The following SP140 variants were observed in gnomAD, a reference collection of about 807,000 sequenced individuals.
The protein encoded by SP140 is SP140 nuclear body protein, also known as nuclear body protein SP140.
A neutral mutation model predicts 125.0 loss-of-function variants in SP140; 81 were observed. The observed-to-expected ratio is 0.65, with a 90% CI of 0.54 to 0.78. The LOEUF (loss-of-function observed/expected upper bound fraction) is 0.78. Ranked by LOEUF, SP140 falls within the 30% of genes least tolerant of loss-of-function variation. The pLI, the probability that SP140 is intolerant of heterozygous loss-of-function variation, is 0.00. For synonymous variants in SP140, 312 were observed against 354.0 expected, an observed-to-expected ratio of 0.88 and a Z score of 1.33; for missense variants, 858 against 1,037.0, an observed-to-expected ratio of 0.83 and a Z score of 2.37.
chr2:230,311,757 C>G (rs1281333723), intron 26 of SP140, among the ~76,000 whole-genome samples, 162 bp downstream of exon 26: 2 of 152,186 alleles, frequency 1.3e-5, no homozygotes, highest in Admixed American at 1.3e-4. Context: ...CTCTTCTTAG[C>G]AAAGAAACAG....
intron 18 of SP140, among the ~76,000 whole-genome samples, chr2:230,288,524 T>TCTTTCTTTC (rs1575230859): frequency 7.9e-5 from 11 of 139,544 alleles, no homozygotes; most frequent in South Asian, 2.3e-4. Context: ...TTTCTTTCTT[T>TCTTTCTTTC]TTTTATTCTT....
chr2:230,212,468 C>A (rs761682153), intron 1 of SP140: 9 of 1,469,336 alleles, frequency 6.1e-6, no homozygotes, highest in Non-Finnish European at 8.6e-6. Flanking sequence ...ATTGCAGGGA[C>A]TGGATGTCAG....
At chr2:230,243,872 C>G in intron 5 of SP140, 61 bp downstream of exon 5, 1 of 1,151,162 alleles carries the variant, frequency 8.7e-7, no homozygotes. Flanking sequence ...GAATTCAGAG[C>G]TGGTGTTTCC....
chr2:230,234,586 C>G (rs1444170988), intron 1 of SP140, among the ~76,000 whole-genome samples: 1 of 152,194 alleles, frequency 6.6e-6, no homozygotes, highest in Non-Finnish European at 1.5e-5. Flanking sequence ...GTAGTTTCCT[C>G]TTACCTCTAG....
At chr2:230,280,349 A>G (rs1005361386) in intron 15 of SP140, among the ~76,000 whole-genome samples, 6 of 152,192 alleles carry the variant, frequency 3.9e-5, no homozygotes, top group Non-Finnish European at 8.8e-5. Flanking sequence ...TTTTTTAAAA[A>G]TATTTTCCAC....
In SP140 at chr2:230,312,891, G is replaced by A. The variant is rs1433899080; in HGVS notation, c.*207G>A. On this transcript the variant is annotated 3_prime_UTR_variant, in exon 27 of 27. Coordinates refer to ENST00000392045, the MANE Select transcript of SP140 (RefSeq NM_007237.5). The stretch of plus-strand genomic sequence containing the variant: ...AACCCCAAGTATCTCATCAGCCAGG[G>A]AAGAGTAAGTGGGATCACAGGGAAG... 4.4e-6 allele frequency: 2 copies of A among 456,870 alleles called. No homozygotes were observed. The highest frequency in any genetic ancestry group is 2.0e-5 in the African/African-American group (1 of 49,304). 28.3% of individuals were successfully genotyped at this position (456,870 alleles called of 1,614,324 possible). A position where few individuals can be genotyped will look rare whatever the true frequency, so the allele number is the denominator to read the frequency against.
At chr2:230,228,372 T>C (rs2046758336) in intron 1 of SP140, among the ~76,000 whole-genome samples, 1 of 152,212 alleles carries the variant, frequency 6.6e-6, no homozygotes, top group Non-Finnish European at 1.5e-5. Flanking sequence ...TATTGTTAAA[T>C]GGAGTACCGT....
At chr2:230,220,131 C>T in intron 3 of SP140, 7 of 970,486 alleles carry the variant, frequency 7.2e-6, no homozygotes, top group Non-Finnish European at 7.4e-6. Flanking sequence ...CCCAGGACGT[C>T]TTGGCAGTTG....
downstream of SP140, among the ~76,000 whole-genome samples, chr2:230,314,212 G>T (rs1489798590): frequency 6.6e-6 from 1 of 152,150 alleles, no homozygotes; most frequent in East Asian, 1.9e-4. Context: ...TGGGCCTACA[G>T]AAAAATCCTC....
chr2:230,296,003 C>T lies in SP140; in HGVS notation c.2017-1418C>T, dbSNP rs562526740. On this transcript the variant is annotated intron_variant, in intron 21 of 26. Transcript: ENST00000392045. ...CCTATAATGCCAGCATTTTGAGAGG[C>T]TGAGATGGGAGAATCATTGGAGCCC... Among the ~76,000 whole-genome samples, 5 of 152,012 alleles carry T rather than the reference C, an allele frequency of 3.3e-5. No homozygotes were observed. The East Asian group carries it at 9.7e-4, about 30-fold the overall frequency.
At chr2:230,241,565 C>G in intron 4 of SP140, 78 bp downstream of exon 4, 1 of 829,604 alleles carries the variant, frequency 1.2e-6, no homozygotes, top group African/African-American at 1.7e-5. Context: ...CTTGTATTTC[C>G]TCTCCTGTCT....
intron 12 of SP140, among the ~76,000 whole-genome samples, chr2:230,265,313 C>T (rs2052915305): frequency 6.6e-6 from 1 of 152,110 alleles, no homozygotes; most frequent in Admixed American, 6.5e-5. Context: ...TCACTCCCAC[C>T]ATGCCCCGCC....
At chr2:230,217,194 C>G (rs1487117617) in intron 3 of SP140, among the ~76,000 whole-genome samples, 1 of 130,282 alleles carries the variant, frequency 7.7e-6, no homozygotes, top group African/African-American at 3.0e-5. Context: ...TGCAGTAAGC[C>G]AAGATTGTGC....
At chr2:230,192,591 C>G in the SP140 span, among the ~76,000 whole-genome samples, 1 of 152,096 alleles carries the variant, frequency 6.6e-6, no homozygotes, top group Admixed American at 6.5e-5. Context: ...TGGGAAGGAC[C>G]TCTTCAAGGA....
chr2:230,199,304 GTTCAAGCGA>G (rs61603563), upstream of SP140, among the ~76,000 whole-genome samples: 2,869 of 149,508 alleles, frequency 0.019, 99 homozygotes, highest in African/African-American at 0.066. Flanking sequence ...TGCCTCCTGG[GTTCAAGCGA>G]TTCTCCTTCC....
intron 12 of SP140, among the ~76,000 whole-genome samples, chr2:230,258,187 C>G (rs1416809943): frequency 6.6e-6 from 1 of 152,114 alleles, no homozygotes; most frequent in Non-Finnish European, 1.5e-5. Context: ...TCATCTAAAG[C>G]TGCAGGAGGC....
At chr2:230,201,916 T>G (rs1424312745), upstream of SP140, among the ~76,000 whole-genome samples, 3 of 152,190 alleles carry the variant, frequency 2.0e-5, no homozygotes, top group Non-Finnish European at 4.4e-5. Flanking sequence ...TCCACAGATA[T>G]CTCAAAAGAC....
Position 230,238,232 on chromosome 2 carries a change from G to A in SP140, c.257G>A (p.Arg86Lys). 1.3e-6 allele frequency: 2 copies of A among 1,592,432 alleles called. No homozygotes were observed. The highest frequency in any genetic ancestry group is 1.7e-6 in the Non-Finnish European group (2 of 1,172,056). The change falls in exon 3 of 27, where the codon AGA becomes AAA. Residue 86 changes from arginine (R) to lysine (K), a missense_variant. Arg to Lys is a conservative substitution (Grantham distance 26). Transcript: ENST00000392045. ...QMYEHFQEAFRNLVPVTRVMY... is the reference protein window; with the variant it reads ...QMYEHFQEAFKNLVPVTRVMY... ...TTTAAGCATTTTCAAGAAGCTTTTA[G>A]AAACCTGGTCCCAGTGACAAGAGTG...
At chr2:230,270,664 G>C (rs764483001) in intron 15 of SP140, 25 bp downstream of exon 15, 23 of 1,573,364 alleles carry the variant, frequency 1.5e-5, no homozygotes, top group Non-Finnish European at 2.0e-5. Context: ...GAATTTATTT[G>C]CTTTTGGTAT....
Sources: gnomAD v4.1 joint callset for allele counts (sites outside exome capture counted in the v4.1 genomes callset) on GRCh38, gnomAD v4.1.1 for gene constraint, MANE v1.5 for transcripts, NCBI Gene and HGNC (gene_info 2026-07-23, HGNC 2026-07-21) for gene names.